FNIP2: variants seen among roughly 807,000 people sequenced by gnomAD.
FNIP2 encodes the protein folliculin-interacting protein 2.
FNIP2 carries 32 observed loss-of-function variants against 108.7 expected under a neutral mutation model. The observed-to-expected ratio is 0.29, with a 90% CI of 0.22 to 0.40. The LOEUF is 0.40. Ranked by LOEUF, FNIP2 falls within the 10% of genes least tolerant of loss-of-function variation. The pLI is 1.00. For synonymous variants in FNIP2, 480 were observed against 496.7 expected, an observed-to-expected ratio of 0.97 and a Z score of 0.45; for missense variants, 1,202 against 1,381.6, an observed-to-expected ratio of 0.87 and a Z score of 2.06.
chr4:158,883,284 C>T (rs1440769703), intron 14 of FNIP2, among the ~76,000 whole-genome samples: 1 of 152,024 alleles, frequency 6.6e-6, no homozygotes, highest in Non-Finnish European at 1.5e-5. Flanking sequence ...CTCTGTCGTC[C>T]AGGCTGGAGT....
At chr4:158,845,628 A>G (rs1410083361) in intron 7 of FNIP2, among the ~76,000 whole-genome samples, 3 of 152,238 alleles carry the variant, frequency 2.0e-5, no homozygotes, top group East Asian at 1.9e-4. Context: ...CATTGCATGC[A>G]TTGCATCAGA....
chr4:158,785,105 G>A (rs1285083250), intron 1 of FNIP2, among the ~76,000 whole-genome samples: 1 of 33,258 alleles, frequency 3.0e-5, no homozygotes, highest in East Asian at 5.4e-4. Context: ...TTTTTTTTTT[G>A]AGCCAGAGTC....
intron 7 of FNIP2, among the ~76,000 whole-genome samples, chr4:158,838,239 T>TC (rs2126612037): frequency 6.6e-6 from 1 of 150,568 alleles, no homozygotes; most frequent in Non-Finnish European, 1.5e-5. Flanking sequence ...CTTTTTTTTT[T>TC]TTTTTTTTTC....
chr4:158,837,522 T>TA (rs1778877046), intron 7 of FNIP2, among the ~76,000 whole-genome samples: 1 of 152,246 alleles, frequency 6.6e-6, no homozygotes, highest in African/African-American at 2.4e-5. Flanking sequence ...AAATGGTTCA[T>TA]GTTGTACAGG....
intron 14 of FNIP2, among the ~76,000 whole-genome samples, chr4:158,878,279 A>G (rs1781394217): frequency 6.6e-6 from 1 of 152,180 alleles, no homozygotes; most frequent in South Asian, 2.1e-4. Context: ...GTGTGCATGT[A>G]AGGCTTGAGA....
At chr4:158,819,708 AT>A (rs1254947468) in intron 1 of FNIP2, among the ~76,000 whole-genome samples, 1 of 152,234 alleles carries the variant, frequency 6.6e-6, no homozygotes, top group East Asian at 1.9e-4. Flanking sequence ...TGGGTGGGAA[AT>A]AATGTGTATT....
At chr4:158,854,795 G>A (rs893553353) in intron 8 of FNIP2, among the ~76,000 whole-genome samples, 6 of 152,126 alleles carry the variant, frequency 3.9e-5, no homozygotes, top group Non-Finnish European at 8.8e-5. Context: ...CTGTCTTGTC[G>A]GAATTCTTTT....
chr4:158,811,100 C>T (rs1041131222), intron 1 of FNIP2, among the ~76,000 whole-genome samples: 43 of 152,148 alleles, frequency 2.8e-4, no homozygotes, highest in Non-Finnish European at 5.6e-4. Flanking sequence ...CAAAGAGAAT[C>T]CACCCTGTGG....
chr4:158,861,596 A>G lies in FNIP2; in HGVS notation c.1296-11A>G, dbSNP rs1780302524. The G allele has an allele frequency of 6.2e-7, 1 of 1,613,564 alleles. No individual in the cohort carries two copies. The highest frequency in any genetic ancestry group is 8.5e-7 in the Non-Finnish European group (1 of 1,179,812). ...GACTAAGTTGGTTGTATCTTTTTCC[A>G]TTTCTCCAAGGTTTTTTGCTGCCTT... On this transcript the variant is annotated splice_polypyrimidine_tract_variant and intron_variant, in intron 11 of 16. Coordinates refer to ENST00000264433, the MANE Select transcript of FNIP2 (RefSeq NM_020840.3).
chr4:158,822,741 C>G lies in FNIP2; in HGVS notation c.108-3175C>G, dbSNP rs188331540. 1.3e-4 allele frequency among the ~76,000 whole-genome samples: 20 copies of G among 152,246 alleles called. No homozygotes were observed. The East Asian group carries it at 3.9e-3, about 29-fold the overall frequency. On this transcript the variant is annotated intron_variant, in intron 1 of 16. Transcript: ENST00000264433. ...CTGGAATTCCTGGGCTCAAGAGATC[C>G]TTTTTGCTTCAGCAACCTAAGTAGC...
chr4:158,906,206 T>TG lies in FNIP2; in HGVS notation c.*1663dup, dbSNP rs1729830749. On this transcript the variant is annotated 3_prime_UTR_variant, in exon 17 of 17. Transcript: ENST00000264433. The stretch of plus-strand genomic sequence containing the variant: ...TCTGTAGTTCCATGACATCATTGTT[T>TG]GCTGTTGTGTTACAGAGAGAGAAGG... 1 of 152,178 alleles carries TG rather than the reference T, an allele frequency of 6.6e-6. No individual in the cohort carries two copies. Among genetic ancestry groups the TG allele is most frequent in the African/African-American group, 2.4e-5 (1 of 41,462 alleles). The allele number at this position is 152,178 out of a possible 1,614,324, so 9.4% of individuals were successfully genotyped here. A position where few individuals can be genotyped will look rare whatever the true frequency, so the allele number is the denominator to read the frequency against.
At position 158,861,398 on chromosome 4, in the gene FNIP2, C is replaced by G. The variant is rs751581532; in HGVS notation, c.1205C>G (p.Thr402Ser). The stretch of plus-strand genomic sequence containing the variant: ...AGGATAGCTGAACCTGTATGGCTTA[C>G]TATGATGTCCGGCACTTTGGAAAAA... ...VPRIAEPVWL[T>S]MMSGTLEKNQ... The change falls in exon 11 of 17, where the codon ACT (threonine) becomes AGT (serine). Residue 402 changes from threonine to serine, a missense_variant. Thr to Ser is a moderately conservative substitution (Grantham distance 58). This residue lies in a region of FNIP2 where 878 missense variants were observed against 990.3 expected (regional missense o/e 0.89). Transcript: ENST00000264433. 2.5e-6 allele frequency: 4 copies of G among 1,613,910 alleles called. No individual in the cohort carries two copies. The African/African-American group carries it at 5.3e-5, about 22-fold the overall frequency.
chr4:158,851,168 A>AT (rs577076024), intron 7 of FNIP2, among the ~76,000 whole-genome samples, 153 bp from the exon 8 acceptor site: 34 of 152,224 alleles, frequency 2.2e-4, no homozygotes, highest in South Asian at 1.5e-3. Flanking sequence ...GGGTTTTGTC[A>AT]TTTTTTTAGT....
chr4:158,885,463 A>C (rs923320926), intron 14 of FNIP2, among the ~76,000 whole-genome samples: 1 of 152,190 alleles, frequency 6.6e-6, no homozygotes, highest in Non-Finnish European at 1.5e-5. Flanking sequence ...GGAAATGATC[A>C]TGTGGTATTT....
chr4:158,783,041 T>C (rs1196398342), intron 1 of FNIP2, among the ~76,000 whole-genome samples: 1 of 152,202 alleles, frequency 6.6e-6, no homozygotes, highest in Non-Finnish European at 1.5e-5. Context: ...ATGCTGCTCT[T>C]TAGTTTACTC....
chr4:158,817,146 A>G (rs1326649137), intron 1 of FNIP2, among the ~76,000 whole-genome samples: 1 of 152,074 alleles, frequency 6.6e-6, no homozygotes, highest in Non-Finnish European at 1.5e-5. Context: ...AAGCAGAAAA[A>G]AGGAAGGAAC....
At chr4:158,806,330 GT>G (rs1560765499) in intron 1 of FNIP2, 1 of 1,289,402 alleles carries the variant, frequency 7.8e-7, no homozygotes, top group Non-Finnish European at 1.0e-6. Flanking sequence ...GCTGTTCCTG[GT>G]GCTGGGAGGA....
chr4:158,845,888 A>G (rs1389030524), intron 7 of FNIP2, among the ~76,000 whole-genome samples: 2 of 152,268 alleles, frequency 1.3e-5, no homozygotes, highest in African/African-American at 4.8e-5. Flanking sequence ...ACTGTAATAT[A>G]AACTGTCTCA....
rs181442140 is a variant in FNIP2, at chr4:158,790,058, T to C, written c.107+20739T>C. On this transcript the variant is annotated intron_variant, in intron 1 of 16. Transcript: ENST00000264433. Reference sequence around the variant, plus strand: ...CCAACACAATCAAAACTGCTACATATGCAAAATTATTAAAAATATTATATA... The same window carrying C: ...CCAACACAATCAAAACTGCTACATACGCAAAATTATTAAAAATATTATATA... Among the ~76,000 whole-genome samples the C allele has an allele frequency of 7.5e-3, 1,143 of 152,066 alleles. 4 individuals are homozygous for C. Among genetic ancestry groups the C allele is most frequent in the Non-Finnish European group, 0.011 (773 of 67,974 alleles).
Sources: gnomAD v4.1 joint callset for allele counts (sites outside exome capture counted in the v4.1 genomes callset) on GRCh38, gnomAD v4.1.1 for gene constraint, gnomAD v4.1.1 regional missense constraint, MANE v1.5 for transcripts, NCBI Gene and HGNC (gene_info 2026-07-23, HGNC 2026-07-21) for gene names.